DTX4: variants seen among roughly 807,000 people sequenced by gnomAD.
DTX4 encodes the protein deltex E3 ubiquitin ligase 4.
Under a neutral mutation model 57.6 loss-of-function variants are expected in DTX4, and 28 were observed. The ratio of observed to expected loss-of-function variants is 0.49; its 90% CI spans 0.36 to 0.67. The LOEUF (loss-of-function observed/expected upper bound fraction) is 0.67, where lower values mean the gene tolerates loss of function less well. Ranked by LOEUF, DTX4 falls within the 30% of genes least tolerant of loss-of-function variation. DTX4 has a pLI of 0.00. For missense variants in DTX4, 715 were observed against 836.8 expected, an observed-to-expected ratio of 0.85 and a Z score of 1.80; for synonymous variants, 316 against 331.0, an observed-to-expected ratio of 0.95 and a Z score of 0.49.
intron 8 of DTX4, 39 bp from the exon 9 acceptor site, chr11:59,204,637 T>C (rs1466472356): frequency 6.4e-7 from 1 of 1,564,960 alleles, no homozygotes; most frequent in Non-Finnish European, 8.7e-7. Flanking sequence ...TGACTGCCAA[T>C]TAATGTCTGC....
intron 1 of DTX4, among the ~76,000 whole-genome samples, chr11:59,176,136 T>C (rs543089781): frequency 6.6e-6 from 1 of 152,290 alleles, no homozygotes; most frequent in East Asian, 1.9e-4. Context: ...ATGGGCTGAA[T>C]TAAATGATTT....
At chr11:59,200,013 G>A (rs577089957) in intron 8 of DTX4, among the ~76,000 whole-genome samples, 6 of 152,270 alleles carry the variant, frequency 3.9e-5, no homozygotes, top group South Asian at 2.1e-4. Flanking sequence ...CTGTTCTCAC[G>A]CTGCTAATAA....
chr11:59,196,698 C>A (rs2135524249), intron 7 of DTX4, among the ~76,000 whole-genome samples: 1 of 152,284 alleles, frequency 6.6e-6, no homozygotes, highest in South Asian at 2.1e-4. Context: ...AACACAAACT[C>A]TATTGTGAAC....
At chr11:59,195,714 G>A (rs768477939) in intron 7 of DTX4, among the ~76,000 whole-genome samples, 3 of 152,002 alleles carry the variant, frequency 2.0e-5, no homozygotes, top group African/African-American at 4.8e-5. Context: ...GAGCTTCCTC[G>A]TTCTTGTGTC....
At position 59,181,784 on chromosome 11, in the gene DTX4, C is replaced by A; in HGVS notation, c.257C>A (p.Ala86Asp). 1 of 1,613,484 alleles carries A rather than the reference C, an allele frequency of 6.2e-7. No homozygotes were observed. The highest frequency in any genetic ancestry group is 8.5e-7 in the Non-Finnish European group (1 of 1,179,566). ...VRRNYYDPSS[A>D]PGKGVVWEWE... ...CGCAACTACTACGACCCCTCCTCGG[C>A]CCCTGGGAAGGGCGTGGTGTGGGAG... is the stretch of plus-strand genomic sequence containing the variant. Residue 86 changes from alanine to aspartate, a missense_variant, in exon 2 of 9, where the codon GCC (alanine) becomes GAC (aspartate). Coordinates refer to ENST00000227451, the MANE Select transcript of DTX4 (RefSeq NM_015177.2).
At chr11:59,195,070 G>A in intron 6 of DTX4, 138 bp from the exon 7 acceptor site, 1 of 894,866 alleles carries the variant, frequency 1.1e-6, no homozygotes, top group African/African-American at 1.7e-5. Context: ...GGGCTGGGAG[G>A]GAAAAACTAA....
chr11:59,193,235 CTG>C (rs1862621969), intron 6 of DTX4, among the ~76,000 whole-genome samples: 1 of 152,124 alleles, frequency 6.6e-6, no homozygotes, highest in South Asian at 2.1e-4. Context: ...TTTCCAATCT[CTG>C]AGAGAGACTT....
At chr11:59,180,816 C>G (rs1324022566) in intron 1 of DTX4, among the ~76,000 whole-genome samples, 1 of 152,134 alleles carries the variant, frequency 6.6e-6, no homozygotes, top group Non-Finnish European at 1.5e-5. Flanking sequence ...TGTAATAACC[C>G]TGACCTCTTC....
Position 59,204,910 on chromosome 11 carries a change from G to C in DTX4, c.*1G>C. The C allele has an allele frequency of 6.4e-7, 1 of 1,571,460 alleles. No homozygotes were observed. Among genetic ancestry groups the C allele is most frequent in the Non-Finnish European group, 8.6e-7 (1 of 1,157,448 alleles). ...CAGCACTGCCCAGGAGAAGGACTGAGGCCAGAAAAGCTTTGAGGTGGGAGG... is the reference window on the plus strand; with the variant it reads ...CAGCACTGCCCAGGAGAAGGACTGACGCCAGAAAAGCTTTGAGGTGGGAGG... On this transcript the variant is annotated 3_prime_UTR_variant, in exon 9 of 9. Transcript: ENST00000227451.
At chr11:59,189,985 G>GC (rs1372199536) in intron 4 of DTX4, among the ~76,000 whole-genome samples, 10 of 152,166 alleles carry the variant, frequency 6.6e-5, no homozygotes, top group Non-Finnish European at 1.5e-4. Context: ...ATCTCCCTAA[G>GC]CCCCAATCTT....
intron 6 of DTX4, among the ~76,000 whole-genome samples, chr11:59,192,787 C>T (rs530754818): frequency 6.6e-6 from 1 of 152,264 alleles, no homozygotes; most frequent in Admixed American, 6.5e-5. Flanking sequence ...ACCTGGTAAT[C>T]CCTGCCCTAG....
chr11:59,171,544 T>C (rs556976180), upstream of DTX4: 4 of 152,372 alleles, frequency 2.6e-5, no homozygotes, highest in African/African-American at 9.6e-5. Flanking sequence ...GGACTGGGTC[T>C]CATTAGCAGA....
chr11:59,180,272 T>C lies in DTX4; in HGVS notation c.212-1467T>C, dbSNP rs546507307. ...GAAATGGAGGCAAACCAGGGAACTA[T>C]TGTCTCCCCCTCCCCTGCCCCCACC... On this transcript the variant is annotated intron_variant, in intron 1 of 8. Coordinates refer to ENST00000227451, the MANE Select transcript of DTX4 (RefSeq NM_015177.2). Among the ~76,000 whole-genome samples the C allele has an allele frequency of 2.6e-5, 4 of 152,116 alleles. No homozygotes were observed. The South Asian group carries it at 8.3e-4, about 32-fold the overall frequency.
At chr11:59,195,122 T>G in intron 6 of DTX4, 86 bp from the exon 7 acceptor site, 1 of 1,448,986 alleles carries the variant, frequency 6.9e-7, no homozygotes, top group Non-Finnish European at 9.7e-7. Flanking sequence ...CCCTGGCCCT[T>G]CATCTCTGGT....
upstream of DTX4, among the ~76,000 whole-genome samples, chr11:59,171,668 G>A (rs1182407524): frequency 1.2e-4 from 19 of 152,128 alleles, no homozygotes; most frequent in Admixed American, 1.2e-3. Flanking sequence ...TTGACGGACA[G>A]CTAAGGATGC....
intron 6 of DTX4, 90 bp downstream of exon 6, chr11:59,192,340 G>A: frequency 2.0e-6 from 3 of 1,496,478 alleles, no homozygotes; most frequent in Non-Finnish European, 2.8e-6. Context: ...CCTTGCTCAA[G>A]TGATCTGGGA....
chr11:59,172,854 A>C, intron 1 of DTX4, 48 bp downstream of exon 1: 2 of 1,428,056 alleles, frequency 1.4e-6, no homozygotes, highest in Non-Finnish European at 1.9e-6. Flanking sequence ...CACCTTCCCA[A>C]CCTGCCAAGG....
intron 1 of DTX4, among the ~76,000 whole-genome samples, chr11:59,180,714 G>A (rs1590980229): frequency 6.6e-6 from 1 of 152,132 alleles, no homozygotes; most frequent in African/African-American, 2.4e-5. Flanking sequence ...GATGAGTCAG[G>A]ATTCAGGTTT....
chr11:59,198,563 A>G (rs1862702369), intron 7 of DTX4, among the ~76,000 whole-genome samples: 1 of 152,266 alleles, frequency 6.6e-6, no homozygotes, highest in Non-Finnish European at 1.5e-5. Context: ...GGAAAGCCAC[A>G]GAATTTCTTA....
Sources: gnomAD v4.1 joint callset for allele counts (sites outside exome capture counted in the v4.1 genomes callset) on GRCh38, gnomAD v4.1.1 for gene constraint, MANE v1.5 for transcripts, NCBI Gene and HGNC (gene_info 2026-07-23, HGNC 2026-07-21) for gene names.